The following ARHGAP24 variants were observed in gnomAD, a reference collection of about 807,000 sequenced individuals.
ARHGAP24 encodes rho GTPase-activating protein 24.
A neutral mutation model predicts 76.4 loss-of-function variants in ARHGAP24; 50 were observed. That is an observed-to-expected ratio of 0.65 (90% CI 0.52 to 0.83). The LOEUF is 0.83. Among genes scored for constraint, ARHGAP24 ranks in the 40% least tolerant of loss-of-function variants. ARHGAP24 has a pLI of 0.00. For synonymous variants in ARHGAP24, 345 were observed against 323.3 expected, an observed-to-expected ratio of 1.07 and a Z score of -0.72; for missense variants, 930 against 914.2, an observed-to-expected ratio of 1.02 and a Z score of -0.22.
At chr4:85,866,565 T>C (rs1484930438) in intron 3 of ARHGAP24, among the ~76,000 whole-genome samples, 1 of 152,102 alleles carries the variant, frequency 6.6e-6, no homozygotes, top group African/African-American at 2.4e-5. Flanking sequence ...GAATAAAAGA[T>C]TACCATATTT....
At chr4:85,739,143 C>T (rs1265207016) in intron 3 of ARHGAP24, among the ~76,000 whole-genome samples, 1 of 152,192 alleles carries the variant, frequency 6.6e-6, no homozygotes, top group Admixed American at 6.5e-5. Context: ...TAGCTTCAGG[C>T]CAGGAGGACT....
intron 2 of ARHGAP24, among the ~76,000 whole-genome samples, chr4:85,717,995 CTTCT>C (rs1724793454): frequency 6.6e-6 from 1 of 152,036 alleles, no homozygotes; most frequent in Admixed American, 6.6e-5. Flanking sequence ...TAGTTCGTTG[CTTCT>C]TTGGTTAATT....
At chr4:85,562,072 G>A (rs1310340198) in intron 1 of ARHGAP24, among the ~76,000 whole-genome samples, 1 of 152,206 alleles carries the variant, frequency 6.6e-6, no homozygotes, top group Non-Finnish European at 1.5e-5. Context: ...AGGAAAGGTA[G>A]GCAGGGATTG....
chr4:85,598,254 T>TA (rs1413153510), intron 2 of ARHGAP24, among the ~76,000 whole-genome samples: 1 of 152,084 alleles, frequency 6.6e-6, no homozygotes, highest in Non-Finnish European at 1.5e-5. Context: ...AATAAATAGA[T>TA]AGAAGGTCTA....
chr4:85,951,929 TATC>T (rs1399630586), intron 5 of ARHGAP24, among the ~76,000 whole-genome samples: 6 of 152,108 alleles, frequency 3.9e-5, no homozygotes, highest in Non-Finnish European at 8.8e-5. Flanking sequence ...TTTAATTTGA[TATC>T]ATAAAGTTAT....
chr4:85,495,541 CGGGTTT>C (rs1435356493), intron 1 of ARHGAP24, among the ~76,000 whole-genome samples: 1 of 151,312 alleles, frequency 6.6e-6, no homozygotes, highest in African/African-American at 2.4e-5. Context: ...TTAGTAGAGA[CGGGTTT>C]TCACCGTGTT....
rs112676090 is a variant in ARHGAP24 at position 85,768,651 on chromosome 4, G to A, written c.268+46679G>A. 5.6e-3 allele frequency among the ~76,000 whole-genome samples: 846 copies of A among 152,208 alleles called. 10 individuals are homozygous for A. The highest frequency in any genetic ancestry group is 0.019 in the African/African-American group (781 of 41,526). On this transcript the variant is annotated intron_variant, in intron 3 of 9. Transcript: ENST00000395184. ...AAATTAGCCGGGTGTGGTGGCGCAC[G>A]CCTGTATCCCAGCTACTTAAGAGGC...
intron 3 of ARHGAP24, among the ~76,000 whole-genome samples, chr4:85,856,760 G>A (rs995675620): frequency 2.6e-5 from 4 of 152,028 alleles, no homozygotes; most frequent in African/African-American, 7.2e-5. Flanking sequence ...ATGAGCCACC[G>A]CGCCCGGCTG....
intron 2 of ARHGAP24, among the ~76,000 whole-genome samples, chr4:85,587,125 T>C (rs1462102081): frequency 6.6e-6 from 1 of 152,220 alleles, no homozygotes; most frequent in South Asian, 2.1e-4. Flanking sequence ...CTTCTATAAG[T>C]ATCTATGTTA....
intron 2 of ARHGAP24, among the ~76,000 whole-genome samples, chr4:85,641,238 G>A (rs889790705): frequency 2.0e-5 from 3 of 152,110 alleles, no homozygotes; most frequent in Non-Finnish European, 2.9e-5. Flanking sequence ...TGGGACTCAG[G>A]TGTGCAACAC....
At chr4:85,501,861 A>G (rs1313298447) in intron 1 of ARHGAP24, among the ~76,000 whole-genome samples, 1 of 152,112 alleles carries the variant, frequency 6.6e-6, no homozygotes, top group Non-Finnish European at 1.5e-5. Context: ...TTTAGGTCTA[A>G]CATTAAAGTC....
At chr4:85,713,196 A>G (rs900205) in intron 2 of ARHGAP24, among the ~76,000 whole-genome samples, 68,375 of 151,884 alleles carry the variant, frequency 0.45, 18,422 homozygotes, top group Non-Finnish European at 0.62. Context: ...AGTCCCAGCT[A>G]CTCAGGAAGC....
chr4:85,912,519 G>A (rs1248216625), intron 3 of ARHGAP24, among the ~76,000 whole-genome samples: 1 of 152,142 alleles, frequency 6.6e-6, no homozygotes, highest in Non-Finnish European at 1.5e-5. Flanking sequence ...ATCAGTAGCT[G>A]TCATTTGCTG....
rs2148876999 is a variant in ARHGAP24 at position 86,000,856 on chromosome 4, C to T, written c.*134C>T. ...CTGGTGAAGGAATATCATTTACAGACATTAAACATCCATATCTGCAATGTG... is the reference window on the plus strand; with the variant it reads ...CTGGTGAAGGAATATCATTTACAGATATTAAACATCCATATCTGCAATGTG... On this transcript the variant is annotated 3_prime_UTR_variant, in exon 10 of 10. Transcript: ENST00000395184. The T allele has an allele frequency of 7.6e-7, 1 of 1,317,100 alleles. No individual in the cohort carries two copies. Among genetic ancestry groups the T allele is most frequent in the East Asian group, 2.5e-5 (1 of 39,824 alleles). 81.6% of individuals were successfully genotyped at this position (1,317,100 alleles called of 1,614,324 possible).
intron 3 of ARHGAP24, among the ~76,000 whole-genome samples, chr4:85,793,848 G>A (rs1283115791): frequency 1.3e-5 from 2 of 152,100 alleles, no homozygotes; most frequent in Admixed American, 1.3e-4. Flanking sequence ...GTGATTCATT[G>A]TAAGCATAAT....
At chr4:85,496,303 C>T (rs1395635299) in intron 1 of ARHGAP24, among the ~76,000 whole-genome samples, 1 of 152,226 alleles carries the variant, frequency 6.6e-6, no homozygotes, top group African/African-American at 2.4e-5. Context: ...GTTGCATGTG[C>T]CTTTCAGGCT....
At chr4:85,930,445 G>A (rs1373090687) in intron 4 of ARHGAP24, 3 of 987,666 alleles carry the variant, frequency 3.0e-6, no homozygotes, top group Non-Finnish European at 3.6e-6. Flanking sequence ...AAAGGAGCCA[G>A]CAAGGACAGT....
chr4:85,515,371 CTT>C (rs34451820), intron 1 of ARHGAP24, among the ~76,000 whole-genome samples: 4 of 142,674 alleles, frequency 2.8e-5, no homozygotes, highest in Non-Finnish European at 3.0e-5. Context: ...TGCAGGTAAT[CTT>C]TTTTTTTTTT....
At chr4:85,867,923 A>T (rs572037741) in intron 3 of ARHGAP24, among the ~76,000 whole-genome samples, 1 of 148,484 alleles carries the variant, frequency 6.7e-6, no homozygotes, top group African/African-American at 2.5e-5. Flanking sequence ...ATATGTACAC[A>T]CACACAAACC....
Sources: allele counts gnomAD v4.1 joint callset (sites outside exome capture counted in the v4.1 genomes callset), GRCh38; gene constraint gnomAD v4.1.1; transcripts MANE v1.5; gene names NCBI Gene and HGNC (gene_info 2026-07-23, HGNC 2026-07-21).